ARAP2: variants seen among roughly 807,000 people sequenced by gnomAD.
ARAP2 encodes the protein ArfGAP with RhoGAP domain, ankyrin repeat and PH domain 2, also known as arf-GAP with Rho-GAP domain, ANK repeat and PH domain-containing protein 2.
A neutral mutation model predicts 194.5 loss-of-function variants in ARAP2; 148 were observed. The ratio of observed to expected loss-of-function variants is 0.76; its 90% CI spans 0.67 to 0.87. ARAP2 has a LOEUF of 0.87. ARAP2 is among the 40% of genes least tolerant of loss of function. The pLI is 0.00. For synonymous variants in ARAP2, 695 were observed against 683.5 expected (o/e 1.02, Z -0.26); for missense variants, 2,128 against 1,989.7 (o/e 1.07, Z -1.32).
chr4:36,101,464 A>G (rs945978003), intron 27 of ARAP2, among the ~76,000 whole-genome samples: 4 of 151,134 alleles, frequency 2.6e-5, no homozygotes, highest in African/African-American at 9.7e-5. Context: ...GTTTTCCTAT[A>G]CTGTTTTCAT....
chr4:36,035,444 T>C (rs567225849), intron 5 of ARAP2, among the ~76,000 whole-genome samples: 7 of 152,282 alleles, frequency 4.6e-5, no homozygotes, highest in Admixed American at 2.0e-4. Flanking sequence ...ATATCTTCTG[T>C]TTTTAGCCAT....
At chr4:36,226,743 T>C (rs772240291) in intron 2 of ARAP2, among the ~76,000 whole-genome samples, 1 of 152,156 alleles carries the variant, frequency 6.6e-6, no homozygotes, top group Non-Finnish European at 1.5e-5. Context: ...AAGAAAGAGG[T>C]GGAATTTTGC....
chr4:36,096,374 A>AAAAAAAAAAG lies in ARAP2; in HGVS notation c.4286-4355_4286-4354insCTTTTTTTTT, dbSNP rs796310005. Among the ~76,000 whole-genome samples the AAAAAAAAAAG allele has an allele frequency of 3.4e-4, 49 of 142,078 alleles. 3 individuals carry two copies. Among genetic ancestry groups the AAAAAAAAAAG allele is most frequent in the African/African-American group, 1.1e-3 (36 of 34,206 alleles). The allele number at this position is 142,078 out of a possible 152,430, so 93.2% of individuals were successfully genotyped here. A position where few individuals can be genotyped will look rare whatever the true frequency, so the allele number is the denominator to read the frequency against. On this transcript the variant is annotated intron_variant, in intron 27 of 32. Coordinates refer to ENST00000303965, the MANE Select transcript of ARAP2 (RefSeq NM_015230.4). ...AGTGAGACTCTCTCAAAAAAAAAAA[A>AAAAAAAAAAG]AAAAAAGAAAAAGGAAAAAAGTAGT...
intron 1 of ARAP2, among the ~76,000 whole-genome samples, chr4:36,241,457 G>A (rs1394096794): frequency 6.6e-6 from 1 of 152,174 alleles, no homozygotes; most frequent in Non-Finnish European, 1.5e-5. Flanking sequence ...CAAGATAAGA[G>A]AGGGAGATAT....
chr4:36,035,279 G>A (rs1719717594), intron 5 of ARAP2, among the ~76,000 whole-genome samples: 2 of 152,000 alleles, frequency 1.3e-5, no homozygotes, highest in East Asian at 3.8e-4. Flanking sequence ...GTCTGTTCAG[G>A]AAGTCCATTT....
chr4:36,168,435 C>T (rs1355946289), intron 9 of ARAP2, among the ~76,000 whole-genome samples: 1 of 152,166 alleles, frequency 6.6e-6, no homozygotes. Flanking sequence ...TAACCGCCTA[C>T]ACCACCAGAT....
chr4:36,226,516 C>G (rs1010235176), intron 2 of ARAP2, among the ~76,000 whole-genome samples: 4 of 151,926 alleles, frequency 2.6e-5, no homozygotes, highest in East Asian at 1.9e-4. Flanking sequence ...TAAGCCCCCC[C>G]CCACATAATT....
chr4:36,026,914 A>G (rs1346259685), intron 5 of ARAP2, among the ~76,000 whole-genome samples: 1 of 152,202 alleles, frequency 6.6e-6, no homozygotes, highest in African/African-American at 2.4e-5. Flanking sequence ...TTCTTCTACC[A>G]TTCTTCAGGT....
chr4:36,222,734 T>A (rs1749452851), intron 2 of ARAP2, among the ~76,000 whole-genome samples: 3 of 151,866 alleles, frequency 2.0e-5, no homozygotes, highest in African/African-American at 4.9e-5. Context: ...ATTTTTTTTT[T>A]AATCTAGATG....
chr4:36,148,303 T>C (rs1311837505), intron 17 of ARAP2, 102 bp downstream of exon 17: 1 of 798,866 alleles, frequency 1.3e-6, no homozygotes. Context: ...ACTTTATTCC[T>C]ACAATCTTAT....
At chr4:36,032,063 T>G (rs760447997) in intron 5 of ARAP2, among the ~76,000 whole-genome samples, 1 of 152,204 alleles carries the variant, frequency 6.6e-6, no homozygotes, top group Non-Finnish European at 1.5e-5. Context: ...ATTTTATGCA[T>G]TATTAAAATA....
chr4:36,123,577 C>T (rs972004135), intron 22 of ARAP2, among the ~76,000 whole-genome samples: 2 of 151,562 alleles, frequency 1.3e-5, no homozygotes, highest in African/African-American at 4.8e-5. Context: ...CCAAGTGTTC[C>T]ATATTCAGCT....
At position 36,196,759 on chromosome 4, in the gene ARAP2, A is replaced by G. The variant is rs540585002; in HGVS notation, c.1488-3112T>C. ...TCTGTGGTCACGCATTCACCCAGTC[A>G]GCCATCAAAATCTGTGGGTACATAC... On this transcript the variant is annotated intron_variant, in intron 6 of 32. Coordinates refer to ENST00000303965, the MANE Select transcript of ARAP2 (RefSeq NM_015230.4). Among the ~76,000 whole-genome samples, 87 of 151,938 alleles carry G rather than the reference A, an allele frequency of 5.7e-4. 2 individuals are homozygous for G. The highest frequency in any genetic ancestry group is 3.4e-4 in the Non-Finnish European group (23 of 68,002).
chr4:36,008,292 T>C (rs780191104), intron 9 of ARAP2, among the ~76,000 whole-genome samples: 3 of 152,078 alleles, frequency 2.0e-5, no homozygotes, highest in Non-Finnish European at 4.4e-5. Flanking sequence ...CTTCAGCCTA[T>C]ACTATATGGT....
At chr4:36,232,351 T>C (rs370937861) in intron 1 of ARAP2, among the ~76,000 whole-genome samples, 18 of 152,210 alleles carry the variant, frequency 1.2e-4, no homozygotes, top group East Asian at 5.8e-4. Flanking sequence ...AAATTCGGTA[T>C]GTAACTCCAC....
At chr4:36,223,131 G>A (rs1749524497) in intron 2 of ARAP2, among the ~76,000 whole-genome samples, 1 of 152,018 alleles carries the variant, frequency 6.6e-6, no homozygotes, top group Non-Finnish European at 1.5e-5. Context: ...ATGAGCTTGG[G>A]AAATAAAGCA....
intron 3 of ARAP2, among the ~76,000 whole-genome samples, chr4:36,051,589 T>C (rs1722679559): frequency 6.6e-6 from 1 of 152,130 alleles, no homozygotes; most frequent in Non-Finnish European, 1.5e-5. Flanking sequence ...GGAAGATAAA[T>C]TGATTTTGTA....
chr4:36,103,084 T>C (rs1458245393), intron 27 of ARAP2, among the ~76,000 whole-genome samples: 1 of 151,836 alleles, frequency 6.6e-6, no homozygotes, highest in Non-Finnish European at 1.5e-5. Flanking sequence ...AAATTGTCTT[T>C]TTTTTTAAGT....
Position 36,040,048 on chromosome 4 carries a change from T to A in ARAP2, n.607+5931A>T, listed in dbSNP as rs139878852. Among the ~76,000 whole-genome samples, 121 of 152,298 alleles carry A rather than the reference T, an allele frequency of 7.9e-4. No individual in the cohort carries two copies. In the East Asian group the frequency reaches 0.017, roughly 22 times the overall value. On this transcript the variant is annotated intron_variant and non_coding_transcript_variant, in intron 5 of 12. Transcript: ENST00000503225. ...AGAGGGATTTGTATGAGAAAGCACA[T>A]AGGAATAAATGGACATGTGTACTCT...
Sources: gnomAD v4.1 joint callset for allele counts (sites outside exome capture counted in the v4.1 genomes callset) on GRCh38, gnomAD v4.1.1 for gene constraint, MANE v1.5 for transcripts, NCBI Gene and HGNC (gene_info 2026-07-23, HGNC 2026-07-21) for gene names.